ERMP1: variants seen among roughly 807,000 people sequenced by gnomAD.
ERMP1 encodes the protein Felix-ina.
A neutral mutation model predicts 92.0 loss-of-function variants in ERMP1; 86 were observed. The observed-to-expected ratio is 0.93, with a 90% confidence interval of 0.79 to 1.12. ERMP1 has a LOEUF of 1.12. ERMP1 is among the 50% of genes most tolerant of loss of function. The pLI is 0.00. For missense variants in ERMP1, 1,342 were observed against 1,116.3 expected, an observed-to-expected ratio of 1.20 and a Z score of -2.88; for synonymous variants, 530 against 412.8, an observed-to-expected ratio of 1.28 and a Z score of -3.44.
intron 4 of ERMP1, among the ~76,000 whole-genome samples, chr9:5,820,097 G>C (rs553605994): frequency 1.1e-4 from 17 of 152,208 alleles, no homozygotes; most frequent in African/African-American, 4.1e-4. Context: ...TCAGGAGTTC[G>C]AGACCAGCCT....
chr9:5,858,452 T>C (rs1830411736), intron 6 of ERMP1, among the ~76,000 whole-genome samples: 1 of 152,130 alleles, frequency 6.6e-6, no homozygotes. Context: ...TGGCTCACTG[T>C]AATAACTTTC....
At chr9:5,842,434 C>CAAAAAAAAAAAAAAAAAA (rs57411750) in intron 6 of ERMP1, among the ~76,000 whole-genome samples, 4 of 107,896 alleles carry the variant, frequency 3.7e-5, no homozygotes, top group East Asian at 3.1e-4. Flanking sequence ...GAGACTGTCT[C>CAAAAAAAAAAAAAAAAAA]AAAAAAAAAA....
intron 6 of ERMP1, among the ~76,000 whole-genome samples, chr9:5,845,806 A>G (rs1830227504): frequency 6.6e-6 from 1 of 152,228 alleles, no homozygotes; most frequent in African/African-American, 2.4e-5. Flanking sequence ...GAGACTGAGG[A>G]GAACTCAGTA....
At chr9:5,845,550 T>C (rs1830224914) in intron 6 of ERMP1, among the ~76,000 whole-genome samples, 1 of 152,186 alleles carries the variant, frequency 6.6e-6, no homozygotes, top group Admixed American at 6.5e-5. Flanking sequence ...GATCGATAGA[T>C]TATCTGGAGT....
rs180914261 is a variant in ERMP1, at chr9:5,826,598, T to A, written c.641-1379A>T. ...GACCCCATTCCTACTTAAGAAGAAA[T>A]TACCTATTAACCATACTTGTCTTGG... is the stretch of plus-strand genomic sequence containing the variant. On this transcript the variant is annotated intron_variant, in intron 2 of 14. Transcript: ENST00000339450. 1.2e-3 allele frequency among the ~76,000 whole-genome samples: 186 copies of A among 152,286 alleles called. 1 individual carries two copies. The highest frequency in any genetic ancestry group is 0.01 in the Middle Eastern group (3 of 294).
At chr9:5,846,344 T>C (rs1830233391) in intron 6 of ERMP1, among the ~76,000 whole-genome samples, 1 of 152,112 alleles carries the variant, frequency 6.6e-6, no homozygotes, top group Admixed American at 6.5e-5. Flanking sequence ...GCTCAAATCC[T>C]AGCTCTGCTA....
intron 6 of ERMP1, among the ~76,000 whole-genome samples, chr9:5,854,870 T>C (rs1196837480): frequency 6.6e-6 from 1 of 152,188 alleles, no homozygotes; most frequent in Non-Finnish European, 1.5e-5. Flanking sequence ...TTTCAACATT[T>C]ATGTAGGTTA....
rs571343953 is a variant in ERMP1, at chr9:5,856,266, G to A, written n.3199+3202C>T. ...GTGTGTGATCACATGGTCTGGAACC[G>A]AAAGACTGTTCTCTGTTTATTGTTT... On this transcript the variant is annotated intron_variant and non_coding_transcript_variant, in intron 6 of 6. Transcript: ENST00000690753. 1.8e-5 allele frequency: 5 copies of A among 280,680 alleles called. 1 individual carries two copies. The highest frequency in any genetic ancestry group is 2.9e-4 in the East Asian group (2 of 6,942). The allele number at this position is 280,680 out of a possible 1,614,324, so 17.4% of individuals were successfully genotyped here. A position where few individuals can be genotyped will look rare whatever the true frequency, so the allele number is the denominator to read the frequency against.
At chr9:5,838,587 T>C (rs1830121436) in intron 6 of ERMP1, among the ~76,000 whole-genome samples, 1 of 151,674 alleles carries the variant, frequency 6.6e-6, no homozygotes. Context: ...TAATTTCATA[T>C]GTAGACATCT....
chr9:5,855,917 C>A, intron 6 of ERMP1: 1 of 211,734 alleles, frequency 4.7e-6, no homozygotes, highest in South Asian at 8.3e-5. Flanking sequence ...CTGGCTTTGC[C>A]ACAACCTTGT....
chr9:5,813,954 A>C (rs965367019), intron 4 of ERMP1, among the ~76,000 whole-genome samples: 3 of 151,496 alleles, frequency 2.0e-5, no homozygotes, highest in Non-Finnish European at 4.4e-5. Context: ...CTGAAAAAGG[A>C]TTATACATTC....
At chr9:5,830,622 T>C (rs1041115618) in intron 2 of ERMP1, 105 bp downstream of exon 2, 2 of 790,156 alleles carry the variant, frequency 2.5e-6, no homozygotes, top group Non-Finnish European at 4.0e-6. Flanking sequence ...GAAAAAAGGT[T>C]TGCCCAAGAA....
intron 9 of ERMP1, 149 bp downstream of exon 9, chr9:5,805,462 A>C: frequency 1.5e-6 from 1 of 667,450 alleles, no homozygotes; most frequent in Non-Finnish European, 2.4e-6. Flanking sequence ...ATGGAGTATA[A>C]GGCATAAGAT....
chr9:5,840,581 G>A (rs1415827892), intron 6 of ERMP1, among the ~76,000 whole-genome samples: 3 of 152,214 alleles, frequency 2.0e-5, no homozygotes, highest in Non-Finnish European at 4.4e-5. Flanking sequence ...ACACCACATT[G>A]GAAAATAGGG....
chr9:5,789,850 T>TC (rs1043546971), intron 13 of ERMP1, among the ~76,000 whole-genome samples: 3 of 150,716 alleles, frequency 2.0e-5, no homozygotes, highest in African/African-American at 7.3e-5. Context: ...ACCTGGCCTT[T>TC]TTTTTTTTTT....
At chr9:5,799,081 G>A (rs1828566546) in intron 11 of ERMP1, 73 bp from the exon 12 acceptor site, 1 of 1,032,926 alleles carries the variant, frequency 9.7e-7, no homozygotes, top group East Asian at 2.5e-5. Context: ...TTACAAAAAT[G>A]GAGTATGACA....
rs1473639594 is a variant in ERMP1 at position 5,798,876 on chromosome 9, G to T, written c.2200C>A (p.Arg734=). Residue 734 remains arginine, a synonymous_variant, in exon 12 of 15, where the codon CGA becomes AGA. Transcript: ENST00000339450. ...GGTGCATTCTCCTCACAGTGAGCTC[G>T]GATACTATCATTGATCTCAGGAATG... ...PHIPEINDSI[R]AHCEENAPLC... is the part of the protein sequence containing the mutation. 3 of 1,613,334 alleles carry T rather than the reference G, an allele frequency of 1.9e-6. No individual in the cohort carries two copies. Among genetic ancestry groups the T allele is most frequent in the Non-Finnish European group, 2.5e-6 (3 of 1,179,502 alleles).
At chr9:5,813,869 T>A (rs1310037262) in intron 4 of ERMP1, among the ~76,000 whole-genome samples, 4 of 148,448 alleles carry the variant, frequency 2.7e-5, no homozygotes, top group African/African-American at 9.8e-5. Flanking sequence ...TATAATTATA[T>A]AATTATACGT....
intron 6 of ERMP1, among the ~76,000 whole-genome samples, chr9:5,846,743 T>G (rs543439982): frequency 3.3e-5 from 5 of 152,322 alleles, no homozygotes; most frequent in African/African-American, 1.2e-4. Context: ...TGGTTCAACA[T>G]TAATCACCTG....
Sources: gnomAD v4.1 joint callset for allele counts (sites outside exome capture counted in the v4.1 genomes callset) on GRCh38, gnomAD v4.1.1 for gene constraint, MANE v1.5 for transcripts, NCBI Gene and HGNC (gene_info 2026-07-23, HGNC 2026-07-21) for gene names.